Variants in SCAPER observed in about 807,000 individuals in gnomAD.
SCAPER encodes the protein S phase cyclin A-associated protein in the endoplasmic reticulum.
A neutral mutation model predicts 182.2 loss-of-function variants in SCAPER; 98 were observed. The ratio of observed to expected loss-of-function variants is 0.54; its 90% CI spans 0.46 to 0.64. SCAPER has a LOEUF of 0.64. Ranked by LOEUF, SCAPER falls within the 30% of genes least tolerant of loss-of-function variation. The probability of loss-of-function intolerance (pLI) is 0.00; values close to 1 mark genes in which losing one functional copy is unlikely to be tolerated. For synonymous variants in SCAPER, 605 were observed against 564.6 expected (o/e 1.07, Z -1.01); for missense variants, 1,432 against 1,690.0 (o/e 0.85, Z 2.68).
intron 22 of SCAPER, among the ~76,000 whole-genome samples, chr15:76,587,582 G>C (rs1341847852): frequency 3.3e-5 from 5 of 152,090 alleles, no homozygotes; most frequent in Non-Finnish European, 7.4e-5. Context: ...CCATGTATTT[G>C]CATGGTTTTG....
intron 11 of SCAPER, among the ~76,000 whole-genome samples, chr15:76,766,156 G>C (rs903180216): frequency 1.3e-5 from 2 of 151,882 alleles, no homozygotes; most frequent in Admixed American, 1.3e-4. Context: ...GAGTGCAGTG[G>C]CACGATCTCA....
chr15:76,710,591 C>T (rs931601184), intron 17 of SCAPER, among the ~76,000 whole-genome samples: 16 of 151,940 alleles, frequency 1.1e-4, no homozygotes, highest in Admixed American at 2.6e-4. Flanking sequence ...AAGACCTATA[C>T]GCAAAAAACT....
At chr15:76,603,139 C>A (rs1597614477) in intron 22 of SCAPER, among the ~76,000 whole-genome samples, 2 of 118,780 alleles carry the variant, frequency 1.7e-5, no homozygotes, top group African/African-American at 5.1e-5. Context: ...CACCCATTAA[C>A]TCGTCATTTA....
chr15:76,511,892 T>A (rs1272217846), intron 23 of SCAPER, among the ~76,000 whole-genome samples: 16 of 147,916 alleles, frequency 1.1e-4, no homozygotes, highest in Middle Eastern at 3.4e-3. Flanking sequence ...TATATTTTTT[T>A]TTTTTTTTGA....
At chr15:76,764,571 A>C (rs1289185907) in intron 14 of SCAPER, among the ~76,000 whole-genome samples, 1 of 152,214 alleles carries the variant, frequency 6.6e-6, no homozygotes, top group Non-Finnish European at 1.5e-5. Flanking sequence ...CAGATACATA[A>C]ACAGAAGTAA....
intron 20 of SCAPER, among the ~76,000 whole-genome samples, chr15:76,682,233 G>T (rs2057756064): frequency 1.3e-5 from 2 of 151,844 alleles, no homozygotes; most frequent in Non-Finnish European, 2.9e-5. Context: ...ATCTGTGACA[G>T]TGCACTCACA....
At chr15:76,716,133 T>C (rs1219984397) in intron 17 of SCAPER, among the ~76,000 whole-genome samples, 1 of 152,000 alleles carries the variant, frequency 6.6e-6, no homozygotes, top group Non-Finnish European at 1.5e-5. Context: ...CCTAATAACC[T>C]CAGCAGCCAA....
At chr15:76,743,802 A>G (rs1415652108) in intron 15 of SCAPER, among the ~76,000 whole-genome samples, 5 of 152,208 alleles carry the variant, frequency 3.3e-5, no homozygotes, top group Admixed American at 3.3e-4. Flanking sequence ...TAAAATTCGT[A>G]TGGAACCAAA....
chr15:76,532,053 A>G (rs1285942960), intron 23 of SCAPER, among the ~76,000 whole-genome samples: 3 of 152,168 alleles, frequency 2.0e-5, no homozygotes, highest in Non-Finnish European at 2.9e-5. Flanking sequence ...TAGACTTTAT[A>G]TATTTTTTCC....
chr15:76,529,747 G>T (rs1426559663), intron 23 of SCAPER, among the ~76,000 whole-genome samples: 1 of 152,274 alleles, frequency 6.6e-6, no homozygotes, highest in Non-Finnish European at 1.5e-5. Flanking sequence ...CAAGGGCCAT[G>T]AGGCTGGAGC....
At chr15:76,614,434 A>G (rs1567604138) in intron 22 of SCAPER, among the ~76,000 whole-genome samples, 3 of 152,220 alleles carry the variant, frequency 2.0e-5, no homozygotes, top group Admixed American at 6.5e-5. Flanking sequence ...CAAACAAATG[A>G]AGACTCAATA....
chr15:76,443,408 T>C (rs1036892378), intron 25 of SCAPER, among the ~76,000 whole-genome samples: 18 of 152,178 alleles, frequency 1.2e-4, no homozygotes, highest in African/African-American at 4.1e-4. Context: ...ATCAAATTTA[T>C]GGTGAAGCTT....
At chr15:76,851,355 C>A (rs918409366) in intron 4 of SCAPER, among the ~76,000 whole-genome samples, 1 of 152,112 alleles carries the variant, frequency 6.6e-6, no homozygotes, top group South Asian at 2.1e-4. Flanking sequence ...CAAGATTCTA[C>A]ACAAGAAGAT....
intron 22 of SCAPER, among the ~76,000 whole-genome samples, chr15:76,612,306 C>T (rs1274382741): frequency 4.6e-5 from 7 of 152,126 alleles, no homozygotes; most frequent in South Asian, 2.1e-4. Context: ...AGTGCAATTT[C>T]GGCTCACTGC....
chr15:76,427,524 C>T (rs2046521697), intron 26 of SCAPER, among the ~76,000 whole-genome samples: 1 of 152,092 alleles, frequency 6.6e-6, no homozygotes, highest in African/African-American at 2.4e-5. Context: ...TACCAGCCCA[C>T]TCCAGTTAGA....
chr15:76,407,996 A>T (rs2044989839), intron 26 of SCAPER, among the ~76,000 whole-genome samples: 1 of 152,194 alleles, frequency 6.6e-6, no homozygotes, highest in Non-Finnish European at 1.5e-5. Flanking sequence ...AAACCACAAC[A>T]TCATTATCAC....
intron 15 of SCAPER, among the ~76,000 whole-genome samples, chr15:76,740,553 A>G (rs2061488350): frequency 6.6e-6 from 1 of 151,806 alleles, no homozygotes; most frequent in African/African-American, 2.4e-5. Flanking sequence ...AATAACTAAG[A>G]TAATGGAATA....
chr15:76,873,330 G>GC (rs1275824851), intron 2 of SCAPER, among the ~76,000 whole-genome samples: 28 of 84,708 alleles, frequency 3.3e-4, no homozygotes, highest in East Asian at 1.9e-3. Flanking sequence ...AGGAAGGAAG[G>GC]AAGGCAGGCA....
intron 23 of SCAPER, among the ~76,000 whole-genome samples, chr15:76,546,312 G>C (rs1225995285): frequency 6.6e-6 from 1 of 152,002 alleles, no homozygotes; most frequent in African/African-American, 2.4e-5. Context: ...ATAAGAAAAA[G>C]ATAATATAAC....
Sources: allele counts gnomAD v4.1 joint callset (sites outside exome capture counted in the v4.1 genomes callset), GRCh38; gene constraint gnomAD v4.1.1; transcripts MANE v1.5; gene names NCBI Gene and HGNC (gene_info 2026-07-23, HGNC 2026-07-21).